CLVS1: variants seen among roughly 807,000 people sequenced by gnomAD.
CLVS1 encodes the protein clavesin 1, also known as clavesin-1.
In CLVS1, 10 loss-of-function variants were observed where a neutral mutation model predicts 33.1. That is an observed-to-expected ratio of 0.30 (90% CI 0.19 to 0.51). The LOEUF is 0.51. CLVS1 is among the 20% of genes least tolerant of loss of function. CLVS1 has a pLI of 0.97. For missense variants in CLVS1, 343 were observed against 433.4 expected, an observed-to-expected ratio of 0.79 and a Z score of 1.85; for synonymous variants, 163 against 166.1, an observed-to-expected ratio of 0.98 and a Z score of 0.14.
At chr8:61,174,343 G>A (rs1807069511) in intron 2 of CLVS1, among the ~76,000 whole-genome samples, 1 of 152,126 alleles carries the variant, frequency 6.6e-6, no homozygotes, top group African/African-American at 2.4e-5. Context: ...ATAAGAGGAA[G>A]GAGAATCACT....
At chr8:61,068,589 C>T (rs1341960547) in intron 1 of CLVS1, among the ~76,000 whole-genome samples, 2 of 152,152 alleles carry the variant, frequency 1.3e-5, no homozygotes. Flanking sequence ...CCCTCATTCT[C>T]AGCAGATACC....
chr8:61,439,275 C>A (rs903726740), intron 3 of CLVS1, among the ~76,000 whole-genome samples: 1 of 152,182 alleles, frequency 6.6e-6, no homozygotes, highest in Non-Finnish European at 1.5e-5. Flanking sequence ...CATCTGTTAA[C>A]CACTTAGGGG....
intron 3 of CLVS1, among the ~76,000 whole-genome samples, chr8:61,388,870 C>T (rs949681746): frequency 2.0e-5 from 3 of 152,034 alleles, no homozygotes; most frequent in African/African-American, 7.2e-5. Flanking sequence ...ACTTATTCCC[C>T]CTATCTGGCA....
At chr8:61,093,464 G>C (rs746165222) in intron 1 of CLVS1, among the ~76,000 whole-genome samples, 1 of 152,136 alleles carries the variant, frequency 6.6e-6, no homozygotes, top group Non-Finnish European at 1.5e-5. Flanking sequence ...GCTGGAAAAA[G>C]ATTGCTCATT....
the CLVS1 span, among the ~76,000 whole-genome samples, chr8:60,995,613 A>G: frequency 6.6e-6 from 1 of 152,258 alleles, no homozygotes; most frequent in Non-Finnish European, 1.5e-5. Flanking sequence ...GCGATTCCTC[A>G]GGGATCTAGA....
chr8:61,258,971 C>CATTA (rs1809143088), intron 2 of CLVS1, among the ~76,000 whole-genome samples: 1 of 151,988 alleles, frequency 6.6e-6, no homozygotes, highest in African/African-American at 2.4e-5. Flanking sequence ...CTAATAGATA[C>CATTA]AAAACATTAA....
At chr8:61,466,738 C>T (rs1437044779) in intron 5 of CLVS1, among the ~76,000 whole-genome samples, 4 of 152,168 alleles carry the variant, frequency 2.6e-5, no homozygotes, top group Non-Finnish European at 5.9e-5. Flanking sequence ...ACCTCCACCT[C>T]CCGGGTTCAA....
Position 61,210,782 on chromosome 8 carries a change from G to T in CLVS1, c.-152+78922G>T, listed in dbSNP as rs184372893. 6.6e-5 allele frequency among the ~76,000 whole-genome samples: 10 copies of T among 152,312 alleles called. No homozygotes were observed. The East Asian group carries it at 1.5e-3, about 24-fold the overall frequency. On this transcript the variant is annotated intron_variant, in intron 2 of 2. Transcript: ENST00000522621. ...TGCTGCTATATTTGTTCACAGCATA[G>T]AAAACTACTACAGGTAACACTAGGA...
intron 2 of CLVS1, among the ~76,000 whole-genome samples, chr8:61,339,860 G>GA (rs892058561): frequency 7.1e-6 from 1 of 140,476 alleles, no homozygotes; most frequent in Non-Finnish European, 1.5e-5. Context: ...AAAAGAAATA[G>GA]AAAAAAGAAA....
the CLVS1 span, among the ~76,000 whole-genome samples, chr8:60,989,922 G>A: frequency 6.6e-5 from 10 of 151,716 alleles, no homozygotes; most frequent in Non-Finnish European, 1.2e-4. Flanking sequence ...TCAGGAGATC[G>A]AGACCATCCT....
At chr8:61,054,566 A>C (rs1030929643), upstream of CLVS1, among the ~76,000 whole-genome samples, 2 of 152,148 alleles carry the variant, frequency 1.3e-5, no homozygotes, top group African/African-American at 4.8e-5. Context: ...TTAAAGGGCC[A>C]GCCACACACA....
At chr8:61,141,311 T>C (rs968224740) in intron 2 of CLVS1, among the ~76,000 whole-genome samples, 1 of 152,112 alleles carries the variant, frequency 6.6e-6, no homozygotes, top group Non-Finnish European at 1.5e-5. Flanking sequence ...GAGCCTACCT[T>C]ATAACCTCAG....
intron 2 of CLVS1, among the ~76,000 whole-genome samples, chr8:61,145,347 A>G (rs2129293869): frequency 6.6e-6 from 1 of 152,384 alleles, no homozygotes; most frequent in African/African-American, 2.4e-5. Context: ...AAGAACCGTG[A>G]TATCACAACA....
chr8:61,011,213 CTA>C, the CLVS1 span, among the ~76,000 whole-genome samples: 1 of 152,308 alleles, frequency 6.6e-6, no homozygotes, highest in East Asian at 1.9e-4. Context: ...CTGCAGTGAG[CTA>C]TGATTGTGCC....
intron 2 of CLVS1, among the ~76,000 whole-genome samples, chr8:61,250,879 C>T (rs1004867305): frequency 1.3e-5 from 2 of 152,146 alleles, no homozygotes; most frequent in African/African-American, 4.8e-5. Flanking sequence ...AATTTGTCTT[C>T]CTCTCTTCCT....
chr8:61,288,922 G>A (rs562979886), intron 1 of CLVS1, among the ~76,000 whole-genome samples: 43 of 152,274 alleles, frequency 2.8e-4, no homozygotes, highest in African/African-American at 1.0e-3. Flanking sequence ...ACTCTGGCAA[G>A]AATAAAAATA....
intron 2 of CLVS1, among the ~76,000 whole-genome samples, chr8:61,143,408 C>T (rs1806349031): frequency 6.6e-6 from 1 of 152,180 alleles, no homozygotes; most frequent in African/African-American, 2.4e-5. Flanking sequence ...TCAAACTGCT[C>T]ATTCTGGGTG....
chr8:61,410,175 C>T (rs114324539), intron 3 of CLVS1, among the ~76,000 whole-genome samples: 1,772 of 147,046 alleles, frequency 0.012, 38 homozygotes, highest in African/African-American at 0.041. Flanking sequence ...TATATAGCTT[C>T]ATTTTACACT....
intron 1 of CLVS1, among the ~76,000 whole-genome samples, chr8:61,290,610 T>TTTA (rs1398884348): frequency 6.6e-6 from 1 of 152,170 alleles, no homozygotes; most frequent in Non-Finnish European, 1.5e-5. Flanking sequence ...AGAGAGGCAC[T>TTTA]TTATTATCCC....
Sources: allele counts gnomAD v4.1 joint callset (sites outside exome capture counted in the v4.1 genomes callset), GRCh38; gene constraint gnomAD v4.1.1; transcripts MANE v1.5; gene names NCBI Gene and HGNC (gene_info 2026-07-23, HGNC 2026-07-21).